The following ASIC2 variants were observed in gnomAD, a reference collection of about 807,000 sequenced individuals.
The protein encoded by ASIC2 is acid sensing ion channel subunit 2.
A neutral mutation model predicts 57.3 loss-of-function variants in ASIC2; 25 were observed. The ratio of observed to expected loss-of-function variants is 0.44; its 90% CI spans 0.32 to 0.61. ASIC2 has a LOEUF of 0.61. Among genes scored for constraint, ASIC2 ranks in the 20% least tolerant of loss-of-function variants. The pLI, the probability that ASIC2 is intolerant of heterozygous loss-of-function variation, is 0.06. For missense variants in ASIC2, 641 were observed against 738.1 expected, an observed-to-expected ratio of 0.87 and a Z score of 1.52; for synonymous variants, 319 against 307.5, an observed-to-expected ratio of 1.04 and a Z score of -0.39.
chr17:33,043,180 C>T (rs1468150245), intron 3 of ASIC2, among the ~76,000 whole-genome samples: 1 of 152,190 alleles, frequency 6.6e-6, no homozygotes, highest in Admixed American at 6.5e-5. Flanking sequence ...CTTCCTCGGC[C>T]TCCTAAAGTG....
chr17:34,036,130 C>A (rs903374816), intron 1 of ASIC2, among the ~76,000 whole-genome samples: 4 of 151,954 alleles, frequency 2.6e-5, no homozygotes, highest in Admixed American at 6.6e-5. Flanking sequence ...CCTAAATGTC[C>A]AACAACGATA....
chr17:33,816,247 C>T (rs912795813), intron 1 of ASIC2, among the ~76,000 whole-genome samples: 9 of 151,958 alleles, frequency 5.9e-5, no homozygotes, highest in African/African-American at 2.2e-4. Flanking sequence ...GGGCTTCTTT[C>T]CAGGGCACCT....
chr17:33,391,667 A>C (rs565350504), intron 1 of ASIC2, among the ~76,000 whole-genome samples: 2 of 151,956 alleles, frequency 1.3e-5, no homozygotes, highest in African/African-American at 4.8e-5. Flanking sequence ...CTTGAGTTGC[A>C]CTCAATTCCC....
intron 1 of ASIC2, among the ~76,000 whole-genome samples, chr17:33,288,311 T>A (rs1905276763): frequency 6.6e-6 from 1 of 151,816 alleles, no homozygotes; most frequent in Non-Finnish European, 1.5e-5. Context: ...CAGGCAGGTG[T>A]CCCCCAGGCA....
chr17:33,863,459 G>T (rs1255257558), intron 1 of ASIC2, among the ~76,000 whole-genome samples: 3 of 152,204 alleles, frequency 2.0e-5, no homozygotes, highest in East Asian at 1.9e-4. Context: ...AAAAGCTAAG[G>T]TTGGGAATGA....
intron 1 of ASIC2, chr17:34,002,091 C>G (rs1050726632): frequency 3.3e-5 from 5 of 152,272 alleles, no homozygotes; most frequent in African/African-American, 1.2e-4. Flanking sequence ...GCAGCCTTCT[C>G]TAACTCAATC....
intron 1 of ASIC2, among the ~76,000 whole-genome samples, chr17:33,488,437 T>C (rs151284621): frequency 6.6e-6 from 1 of 152,356 alleles, no homozygotes; most frequent in African/African-American, 2.4e-5. Context: ...GGGTCACCTC[T>C]ATCAAATTCT....
chr17:33,934,098 T>C (rs549473095), intron 1 of ASIC2, among the ~76,000 whole-genome samples: 89 of 152,306 alleles, frequency 5.8e-4, no homozygotes, highest in Non-Finnish European at 1.1e-3. Context: ...TCCTGCTCCC[T>C]AGATCAGCCC....
intron 1 of ASIC2, among the ~76,000 whole-genome samples, chr17:34,099,146 C>CAG (rs1280398043): frequency 5.3e-5 from 1 of 19,018 alleles, no homozygotes; most frequent in Non-Finnish European, 1.3e-4. Context: ...GAGAGAGAGA[C>CAG]AGAGAGAGAG....
intron 1 of ASIC2, among the ~76,000 whole-genome samples, chr17:33,799,419 CTTTCTTTCTTCTTTCTTTCTTTCTT>C (rs1912038925): frequency 1.5e-5 from 1 of 68,796 alleles, no homozygotes; most frequent in African/African-American, 5.8e-5. Context: ...TTCTTTCTTT[CTTTCTTTCTTCTTTCTTTCTTTCTT>C]TCTTTCTTTC....
intron 1 of ASIC2, among the ~76,000 whole-genome samples, chr17:33,867,662 T>G (rs927710712): frequency 6.6e-6 from 1 of 152,164 alleles, no homozygotes; most frequent in Non-Finnish European, 1.5e-5. Context: ...ACTGGGGAGA[T>G]TTCTCTCCTT....
At chr17:33,268,411 A>G (rs1909562950) in intron 1 of ASIC2, among the ~76,000 whole-genome samples, 1 of 152,064 alleles carries the variant, frequency 6.6e-6, no homozygotes, top group Non-Finnish European at 1.5e-5. Context: ...TTATCCATTC[A>G]TCTATTCACT....
upstream of ASIC2, among the ~76,000 whole-genome samples, chr17:33,294,056 G>A (rs575420693): frequency 3.1e-4 from 47 of 152,252 alleles, no homozygotes; most frequent in African/African-American, 1.0e-3. Flanking sequence ...TTCCCTGGAA[G>A]TGCCTACTGC....
chr17:34,088,825 T>C (rs1481924145), intron 1 of ASIC2, among the ~76,000 whole-genome samples: 1 of 152,196 alleles, frequency 6.6e-6, no homozygotes, highest in East Asian at 1.9e-4. Flanking sequence ...TCCGTGGGCG[T>C]AGGACCCTCC....
intron 1 of ASIC2, among the ~76,000 whole-genome samples, chr17:33,476,506 T>TGC (rs1913227806): frequency 2.7e-4 from 1 of 3,744 alleles, no homozygotes; most frequent in African/African-American, 9.6e-4. Context: ...TGTGTGTGCA[T>TGC]ATATATATAT....
At chr17:33,909,963 T>G (rs1915426700) in intron 1 of ASIC2, among the ~76,000 whole-genome samples, 1 of 152,164 alleles carries the variant, frequency 6.6e-6, no homozygotes, top group Non-Finnish European at 1.5e-5. Flanking sequence ...CTGAGCAAGT[T>G]ATTCAATTTC....
At chr17:33,823,053 C>G (rs1912795421) in intron 1 of ASIC2, among the ~76,000 whole-genome samples, 1 of 152,162 alleles carries the variant, frequency 6.6e-6, no homozygotes, top group Admixed American at 6.5e-5. Flanking sequence ...CAATTCTGGA[C>G]TCTACTAGTG....
intron 1 of ASIC2, among the ~76,000 whole-genome samples, chr17:33,530,726 T>C (rs950467899): frequency 1.3e-5 from 2 of 152,166 alleles, no homozygotes. Flanking sequence ...GAGACAGAGG[T>C]AGGCCAGCTT....
chr17:33,807,270 G>A (rs1263479193), intron 1 of ASIC2, among the ~76,000 whole-genome samples: 2 of 152,214 alleles, frequency 1.3e-5, no homozygotes, highest in Non-Finnish European at 2.9e-5. Flanking sequence ...CTGAGCAGGT[G>A]ATAGGATTTA....
Sources: allele counts gnomAD v4.1 joint callset (sites outside exome capture counted in the v4.1 genomes callset), GRCh38; gene constraint gnomAD v4.1.1; transcripts MANE v1.5; gene names NCBI Gene and HGNC (gene_info 2026-07-23, HGNC 2026-07-21).